Variants in PARN observed in about 807,000 individuals in gnomAD.
The protein encoded by PARN is poly(A)-specific ribonuclease, also known as poly(A)-specific ribonuclease PARN.
A neutral mutation model predicts 102.8 loss-of-function variants in PARN; 71 were observed. The observed-to-expected ratio is 0.69, with a 90% CI of 0.57 to 0.84. The LOEUF is 0.84. PARN is among the 40% of genes least tolerant of loss of function. The probability of loss-of-function intolerance (pLI) is 0.00; values close to 1 mark genes in which losing one functional copy is unlikely to be tolerated. For synonymous variants in PARN, 261 were observed against 252.9 expected (o/e 1.03, Z -0.30); for missense variants, 782 against 760.9 (o/e 1.03, Z -0.33).
chr16:14,599,481 C>T (rs1970748182), intron 12 of PARN, among the ~76,000 whole-genome samples: 1 of 152,204 alleles, frequency 6.6e-6, no homozygotes, highest in African/African-American at 2.4e-5. Context: ...TTCAATTACA[C>T]TTATGTAGCA....
intron 21 of PARN, among the ~76,000 whole-genome samples, chr16:14,536,555 G>A (rs1966614534): frequency 6.6e-6 from 1 of 152,154 alleles, no homozygotes. Context: ...TTTCTAAAGT[G>A]TGCTGTGCGA....
At chr16:14,566,735 C>T (rs1275711506) in intron 18 of PARN, among the ~76,000 whole-genome samples, 1 of 152,124 alleles carries the variant, frequency 6.6e-6, no homozygotes, top group African/African-American at 2.4e-5. Context: ...AGCTATTAAG[C>T]CAGAGAGAAA....
chr16:14,533,267 G>A (rs1966451637), intron 21 of PARN, among the ~76,000 whole-genome samples: 1 of 152,134 alleles, frequency 6.6e-6, no homozygotes, highest in Non-Finnish European at 1.5e-5. Flanking sequence ...CCAGTCAGGC[G>A]TGGCGGCGCG....
At chr16:14,485,739 G>A (rs1279298319) in intron 21 of PARN, among the ~76,000 whole-genome samples, 1 of 152,034 alleles carries the variant, frequency 6.6e-6, no homozygotes, top group Non-Finnish European at 1.5e-5. Context: ...CTACGCTGGA[G>A]TATAGTGGCG....
At chr16:14,568,306 G>A (rs774289641) in intron 18 of PARN, among the ~76,000 whole-genome samples, 9 of 149,850 alleles carry the variant, frequency 6.0e-5, no homozygotes, top group East Asian at 2.0e-4. Context: ...TCTGCCTCCC[G>A]GGTTCAAGCG....
chr16:14,485,727 G>A (rs776461939), intron 21 of PARN, among the ~76,000 whole-genome samples: 7 of 151,400 alleles, frequency 4.6e-5, no homozygotes, highest in South Asian at 2.1e-4. Flanking sequence ...TTGCTCTGCC[G>A]CCTACGCTGG....
intron 6 of PARN, among the ~76,000 whole-genome samples, chr16:14,615,770 A>T (rs1426396222): frequency 3.9e-5 from 6 of 152,018 alleles, no homozygotes. Flanking sequence ...GCGTGGTGGC[A>T]TGTGCCTGTG....
intron 5 of PARN, among the ~76,000 whole-genome samples, chr16:14,626,254 G>C (rs961952606): frequency 6.6e-6 from 1 of 152,210 alleles, no homozygotes; most frequent in African/African-American, 2.4e-5. Flanking sequence ...CACCCTCAGA[G>C]TGGATGCGAG....
intron 18 of PARN, among the ~76,000 whole-genome samples, chr16:14,558,158 C>T (rs967753118): frequency 2.0e-5 from 3 of 152,188 alleles, no homozygotes; most frequent in Non-Finnish European, 4.4e-5. Context: ...GAAGGCTGGG[C>T]ACACTGGCTC....
chr16:14,561,266 A>G (rs564618017), intron 18 of PARN, among the ~76,000 whole-genome samples: 2 of 152,240 alleles, frequency 1.3e-5, no homozygotes, highest in South Asian at 2.1e-4. Flanking sequence ...ACTCTAGAAT[A>G]TAGAACCTTG....
At chr16:14,535,164 T>C (rs954808070) in intron 21 of PARN, among the ~76,000 whole-genome samples, 2 of 152,192 alleles carry the variant, frequency 1.3e-5, no homozygotes, top group African/African-American at 2.4e-5. Context: ...TGTTTACTTT[T>C]TATAATCTTA....
At chr16:14,483,586 T>A (rs1383518200) in intron 21 of PARN, among the ~76,000 whole-genome samples, 1 of 152,180 alleles carries the variant, frequency 6.6e-6, no homozygotes, top group East Asian at 1.9e-4. Flanking sequence ...ACAATGAGTT[T>A]TAAACAAATT....
intron 21 of PARN, among the ~76,000 whole-genome samples, chr16:14,491,383 G>A (rs1351870552): frequency 6.6e-6 from 1 of 151,876 alleles, no homozygotes. Flanking sequence ...GCTCTCTGAG[G>A]GAAGGGATTA....
chr16:14,585,700 A>G (rs758645639), intron 14 of PARN, among the ~76,000 whole-genome samples: 8 of 152,234 alleles, frequency 5.3e-5, no homozygotes, highest in Non-Finnish European at 1.2e-4. Context: ...TTCAATAGTT[A>G]CAAGGTACAT....
intron 21 of PARN, among the ~76,000 whole-genome samples, chr16:14,523,584 T>C (rs929492024): frequency 1.3e-5 from 2 of 152,182 alleles, no homozygotes; most frequent in Admixed American, 1.3e-4. Flanking sequence ...TCTATCCTCC[T>C]GCTGACCTAA....
rs35170336 is a variant in PARN at position 14,457,797 on chromosome 16, CAAAAAAAAA to C, written c.1671-10725_1671-10717del. Among the ~76,000 whole-genome samples the C allele has an allele frequency of 4.0e-3, 120 of 30,156 alleles. 1 individual carries two copies. Among genetic ancestry groups the C allele is most frequent in the Admixed American group, 6.7e-3 (13 of 1,934 alleles). The allele number at this position is 30,156 out of a possible 152,430, so 19.8% of individuals were successfully genotyped here. ...TGGGGGACACAGTGAGACTCTGTCT[CAAAAAAAAA>C]AAAAAAAAAAAAAAAAAAAGAGTCT... On this transcript the variant is annotated intron_variant, in intron 22 of 23. Coordinates refer to ENST00000437198, the MANE Select transcript of PARN (RefSeq NM_002582.4).
chr16:14,453,552 T>A (rs1051126991), intron 22 of PARN, among the ~76,000 whole-genome samples: 1 of 152,204 alleles, frequency 6.6e-6, no homozygotes, highest in African/African-American at 2.4e-5. Context: ...AATTGAGATA[T>A]AGAACAATAC....
chr16:14,574,224 C>A (rs562400273), intron 18 of PARN, among the ~76,000 whole-genome samples: 1 of 152,040 alleles, frequency 6.6e-6, no homozygotes, highest in South Asian at 2.1e-4. Context: ...TTAGCAGACA[C>A]TGGCAGCATT....
At chr16:14,552,320 A>G (rs1270480687) in intron 20 of PARN, among the ~76,000 whole-genome samples, 1 of 152,164 alleles carries the variant, frequency 6.6e-6, no homozygotes, top group Non-Finnish European at 1.5e-5. Context: ...AACCAGGGGG[A>G]AAAGACGCTA....
Sources: gnomAD v4.1 joint callset for allele counts (sites outside exome capture counted in the v4.1 genomes callset) on GRCh38, gnomAD v4.1.1 for gene constraint, MANE v1.5 for transcripts, NCBI Gene and HGNC (gene_info 2026-07-23, HGNC 2026-07-21) for gene names.